The following CHMP3 variants were observed in gnomAD, a reference collection of about 807,000 sequenced individuals.
CHMP3 encodes the protein 25.1 protein.
Under a neutral mutation model 27.4 loss-of-function variants are expected in CHMP3, and 8 were observed. The observed-to-expected ratio is 0.29, with a 90% CI of 0.17 to 0.53. The LOEUF (loss-of-function observed/expected upper bound fraction) is 0.53, where lower values mean the gene tolerates loss of function less well. Ranked by LOEUF, CHMP3 falls within the 20% of genes least tolerant of loss-of-function variation. The pLI is 0.96. For missense variants in CHMP3, 208 were observed against 271.5 expected (o/e 0.77, Z 1.64); for synonymous variants, 86 against 85.5 (o/e 1.01, Z -0.03).
chr2:86,553,006 C>G (rs571727825), intron 1 of CHMP3, among the ~76,000 whole-genome samples: 31 of 131,332 alleles, frequency 2.4e-4, no homozygotes, highest in African/African-American at 9.1e-4. Flanking sequence ...AGCCTGTCAG[C>G]CGGGGGTGGA....
In CHMP3 at chr2:86,510,685, T is replaced by C. The variant is rs1332629953; in HGVS notation, c.287-206A>G. Reference sequence around the variant, plus strand: ...TATCTGGGTTACTACTGATGTGAATTCAATGAGCATGCACACCACATGACC... The same window carrying C: ...TATCTGGGTTACTACTGATGTGAATCCAATGAGCATGCACACCACATGACC... On this transcript the variant is annotated intron_variant, in intron 3 of 5. Transcript: ENST00000263856. 6.2e-6 allele frequency: 4 copies of C among 641,300 alleles called. No individual in the cohort carries two copies. The Admixed American group carries it at 1.3e-4, about 21-fold the overall frequency. The allele number at this position is 641,300 out of a possible 1,614,324, so 39.7% of individuals were successfully genotyped here. A position where few individuals can be genotyped will look rare whatever the true frequency, so the allele number is the denominator to read the frequency against.
chr2:86,507,417 T>C, intron 5 of CHMP3, 62 bp downstream of exon 5: 1 of 1,443,306 alleles, frequency 6.9e-7, no homozygotes, highest in African/African-American at 1.4e-5. Context: ...CTAGCTAATT[T>C]AGTGAATGAA....
intron 2 of CHMP3, among the ~76,000 whole-genome samples, chr2:86,536,824 T>A (rs951327956): frequency 1.3e-4 from 20 of 152,204 alleles, no homozygotes; most frequent in African/African-American, 4.1e-4. Context: ...TCTCCTAAAG[T>A]TTCCACAATG....
intron 2 of CHMP3, among the ~76,000 whole-genome samples, chr2:86,530,637 T>C (rs1675884125): frequency 6.6e-6 from 1 of 152,258 alleles, no homozygotes; most frequent in Non-Finnish European, 1.5e-5. Context: ...GTGAAGAACA[T>C]GAATGTACAA....
intron 2 of CHMP3, among the ~76,000 whole-genome samples, chr2:86,538,155 A>C (rs1300001245): frequency 1.3e-5 from 2 of 152,216 alleles, no homozygotes; most frequent in African/African-American, 2.4e-5. Flanking sequence ...TGTTAAGTGA[A>C]ATAAGCCAGA....
chr2:86,519,027 G>A (rs980860209), intron 3 of CHMP3, among the ~76,000 whole-genome samples: 1 of 152,114 alleles, frequency 6.6e-6, no homozygotes, highest in South Asian at 2.1e-4. Context: ...ACCACTGATT[G>A]TATAGACGTT....
chr2:86,541,819 G>A (rs760280146), intron 2 of CHMP3, among the ~76,000 whole-genome samples: 1 of 152,104 alleles, frequency 6.6e-6, no homozygotes, highest in South Asian at 2.1e-4. Flanking sequence ...AATCATGAAA[G>A]TGTTAAAAAC....
At chr2:86,530,840 T>C (rs1675891163) in intron 2 of CHMP3, among the ~76,000 whole-genome samples, 2 of 152,232 alleles carry the variant, frequency 1.3e-5, no homozygotes, top group Non-Finnish European at 2.9e-5. Context: ...GGTTATTTCC[T>C]GGGGGTTTTG....
chr2:86,507,216 A>G (rs1674921184), intron 5 of CHMP3: 1 of 328,220 alleles, frequency 3.0e-6, no homozygotes, highest in African/African-American at 2.2e-5. Flanking sequence ...GAAAGTCTAC[A>G]CCAGTTTAAA....
At chr2:86,553,229 A>G (rs1676980703) in intron 1 of CHMP3, among the ~76,000 whole-genome samples, 1 of 152,128 alleles carries the variant, frequency 6.6e-6, no homozygotes, top group African/African-American at 2.4e-5. Context: ...CGATAACCAC[A>G]AGACATAGAC....
In CHMP3 at chr2:86,505,961, G is replaced by A; in HGVS notation, c.524-12C>T. ...TTTGCCCAAGGCCCCTGAAAAGAAA[G>A]AGCAAAGATGAACACCACATTGGCT... On this transcript the variant is annotated splice_polypyrimidine_tract_variant and intron_variant, in intron 5 of 5. Transcript: ENST00000263856. 6.5e-7 allele frequency: 1 copy of A among 1,542,504 alleles called. No homozygotes were observed. Among genetic ancestry groups the A allele is most frequent in the Non-Finnish European group, 8.8e-7 (1 of 1,138,210 alleles).
chr2:86,522,716 T>G (rs1248412420), intron 3 of CHMP3, among the ~76,000 whole-genome samples: 1 of 152,110 alleles, frequency 6.6e-6, no homozygotes, highest in East Asian at 1.9e-4. Flanking sequence ...CCTACTCCAC[T>G]CCATTACCTC....
rs770666607 is a variant in CHMP3 at position 86,563,315 on chromosome 2, G to A, written c.34C>T (p.Pro12Ser). Residue 12 changes from proline to serine, a missense_variant, in exon 1 of 6, where the codon CCC becomes TCC. Physicochemically the swap from Pro to Ser is moderately conservative, Grantham distance 74 (BLOSUM62 -1). This residue lies in a region of CHMP3 where 52 missense variants were observed against 43.5 expected (regional missense o/e 1.19). Transcript: ENST00000263856. ...GLFGKTQEKP[P>S]KELVNEWSLK... Reference sequence around the variant, plus strand: ...GCCGTAGCCCTTACCAGTTCTTTGGGCGGCTTCTCCTGGGTCTTTCCAAAC... The same window carrying A: ...GCCGTAGCCCTTACCAGTTCTTTGGACGGCTTCTCCTGGGTCTTTCCAAAC... 1.1e-5 allele frequency: 18 copies of A among 1,613,978 alleles called. No individual in the cohort carries two copies. The highest frequency in any genetic ancestry group is 4.4e-5 in the South Asian group (4 of 91,088).
intron 3 of CHMP3, among the ~76,000 whole-genome samples, chr2:86,517,565 C>A (rs1333496689): frequency 0.024 from 2,165 of 88,960 alleles, no homozygotes; most frequent in African/African-American, 0.043. Context: ...GACTCCGTCT[C>A]AAAAAAAAAA....
At chr2:86,556,940 G>A (rs1044729186) in intron 1 of CHMP3, among the ~76,000 whole-genome samples, 5 of 152,156 alleles carry the variant, frequency 3.3e-5, no homozygotes, top group African/African-American at 7.2e-5. Flanking sequence ...AGTACCTGAC[G>A]AGCTCTTTAC....
chr2:86,519,365 CAA>C (rs35255775), intron 3 of CHMP3, among the ~76,000 whole-genome samples: 14 of 111,088 alleles, frequency 1.3e-4, no homozygotes, highest in Non-Finnish European at 1.2e-4. Flanking sequence ...AACTTCATCT[CAA>C]AAAAAAAAAA....
intron 2 of CHMP3, among the ~76,000 whole-genome samples, chr2:86,531,026 G>A (rs1387415470): frequency 2.6e-5 from 4 of 152,088 alleles, no homozygotes; most frequent in South Asian, 2.1e-4. Context: ...GAATTAAGTC[G>A]TTTTATTGTT....
At chr2:86,559,103 G>A (rs1677246064) in intron 1 of CHMP3, among the ~76,000 whole-genome samples, 1 of 152,174 alleles carries the variant, frequency 6.6e-6, no homozygotes, top group Non-Finnish European at 1.5e-5. Flanking sequence ...TTCAATCAGT[G>A]AACTAAAGAA....
chr2:86,515,468 G>C (rs1675264657), intron 3 of CHMP3, among the ~76,000 whole-genome samples: 1 of 152,074 alleles, frequency 6.6e-6, no homozygotes, highest in African/African-American at 2.4e-5. Flanking sequence ...GATTATAGGT[G>C]TGCGCCACCA....
Sources: gnomAD v4.1 joint callset for allele counts (sites outside exome capture counted in the v4.1 genomes callset) on GRCh38, gnomAD v4.1.1 for gene constraint, gnomAD v4.1.1 regional missense constraint, MANE v1.5 for transcripts, NCBI Gene and HGNC (gene_info 2026-07-23, HGNC 2026-07-21) for gene names.